Variants in ADCYAP1R1 observed in about 807,000 individuals in gnomAD.
ADCYAP1R1 encodes ADCYAP receptor type I.
In ADCYAP1R1, 44 loss-of-function variants were observed where a neutral mutation model predicts 67.6. The observed-to-expected ratio is 0.65, with a 90% CI of 0.51 to 0.84. The LOEUF (loss-of-function observed/expected upper bound fraction) is 0.84, where lower values mean the gene tolerates loss of function less well. ADCYAP1R1 is among the 40% of genes least tolerant of loss of function. ADCYAP1R1 has a pLI of 0.00. For missense variants in ADCYAP1R1, 477 were observed against 587.9 expected (o/e 0.81, Z 1.95); for synonymous variants, 222 against 219.6 (o/e 1.01, Z -0.10).
chr7:31,065,921 C>T (rs906061024), intron 3 of ADCYAP1R1, among the ~76,000 whole-genome samples: 3 of 152,232 alleles, frequency 2.0e-5, no homozygotes, highest in African/African-American at 7.2e-5. Context: ...AATGGTCCCA[C>T]TGGACGGAGC....
chr7:31,071,257 T>C (rs1372469745), intron 3 of ADCYAP1R1, among the ~76,000 whole-genome samples: 1 of 152,192 alleles, frequency 6.6e-6, no homozygotes, highest in African/African-American at 2.4e-5. Context: ...TTTCAGTCGC[T>C]CTGCCTGAGT....
At chr7:31,101,160 G>A (rs562566046) in intron 13 of ADCYAP1R1, among the ~76,000 whole-genome samples, 1 of 152,190 alleles carries the variant, frequency 6.6e-6, no homozygotes, top group Non-Finnish European at 1.5e-5. Context: ...GTCCCTGTCT[G>A]TTCTGGGGCT....
rs78795747 is a variant in ADCYAP1R1, at chr7:31,060,230, G to A, written c.-71-2964G>A. ...CCTGCAAGTCTGGGCATCCCTGCAT[G>A]TGTGCGTGCATGTACACACATGTGC... On this transcript the variant is annotated intron_variant, in intron 1 of 15. Coordinates refer to ENST00000304166, the MANE Select transcript of ADCYAP1R1 (RefSeq NM_001118.5). Among the ~76,000 whole-genome samples the A allele has an allele frequency of 5.6e-3, 850 of 152,316 alleles. 9 individuals carry two copies. The highest frequency in any genetic ancestry group is 0.02 in the African/African-American group (816 of 41,556).
At chr7:31,092,841 G>T in intron 13 of ADCYAP1R1, 106 bp downstream of exon 13, 2 of 755,750 alleles carry the variant, frequency 2.6e-6, no homozygotes, top group South Asian at 3.3e-5. Context: ...GGGTGACCTA[G>T]CATCAGCATT....
chr7:31,093,717 A>G (rs1796066091), intron 13 of ADCYAP1R1, among the ~76,000 whole-genome samples: 1 of 152,128 alleles, frequency 6.6e-6, no homozygotes, highest in Non-Finnish European at 1.5e-5. Flanking sequence ...AAAGCAGATG[A>G]GGAGGAGCTG....
chr7:31,077,931 T>C, intron 3 of ADCYAP1R1, 60 bp from the exon 4 acceptor site: 2 of 1,121,802 alleles, frequency 1.8e-6, no homozygotes, highest in Non-Finnish European at 2.6e-6. Context: ...ATGTGTGTGG[T>C]GGTGTGTGTG....
intron 13 of ADCYAP1R1, among the ~76,000 whole-genome samples, chr7:31,094,190 A>G (rs974793325): frequency 2.6e-5 from 4 of 152,262 alleles, no homozygotes; most frequent in East Asian, 3.9e-4. Flanking sequence ...ATTCTTGCTT[A>G]TATGTGTATA....
intron 3 of ADCYAP1R1, among the ~76,000 whole-genome samples, chr7:31,065,362 T>C (rs947282939): frequency 7.2e-5 from 11 of 152,190 alleles, no homozygotes; most frequent in African/African-American, 2.4e-4. Flanking sequence ...GCTCATTGCA[T>C]CAGAAGCCAG....
At chr7:31,064,238 A>G (rs1794635310) in intron 2 of ADCYAP1R1, among the ~76,000 whole-genome samples, 1 of 152,172 alleles carries the variant, frequency 6.6e-6, no homozygotes, top group Non-Finnish European at 1.5e-5. Context: ...TGCCGGGGGC[A>G]CTTTTTTCCT....
chr7:31,062,790 G>A (rs1794561202), intron 1 of ADCYAP1R1, among the ~76,000 whole-genome samples: 1 of 152,182 alleles, frequency 6.6e-6, no homozygotes, highest in Admixed American at 6.5e-5. Flanking sequence ...TTCATCATGT[G>A]CCCACACCTC....
In ADCYAP1R1 at chr7:31,086,778, G is replaced by A. The variant is rs932128964; in HGVS notation, c.824-165G>A. Among the ~76,000 whole-genome samples the A allele has an allele frequency of 6.6e-6, 1 of 152,150 alleles. No homozygotes were observed. The highest frequency in any genetic ancestry group is 1.5e-5 in the Non-Finnish European group (1 of 68,026). ...GAGACAAGACAGCCCTTGGTCTGAGGGAGATATAGACCCTCAGGAGGCCTG... is the reference window on the plus strand; with the variant it reads ...GAGACAAGACAGCCCTTGGTCTGAGAGAGATATAGACCCTCAGGAGGCCTG... On this transcript the variant is annotated intron_variant, in intron 10 of 15. Transcript: ENST00000304166. The surrounding 1 kb of genome is among the most constrained non-coding windows in gnomAD (Gnocchi z 5.0).
intron 13 of ADCYAP1R1, among the ~76,000 whole-genome samples, chr7:31,095,182 T>C (rs1796139060): frequency 1.3e-5 from 2 of 152,082 alleles, no homozygotes; most frequent in African/African-American, 4.8e-5. Flanking sequence ...GTGAATCTGG[T>C]GGAATAGGTA....
chr7:31,070,911 G>A (rs1465751148), intron 3 of ADCYAP1R1, among the ~76,000 whole-genome samples: 3 of 152,174 alleles, frequency 2.0e-5, no homozygotes, highest in East Asian at 1.9e-4. Context: ...TTCCAAAGGC[G>A]AGGGCGGCAT....
In ADCYAP1R1 at chr7:31,081,755, G is replaced by T. The variant is rs759475765; in HGVS notation, c.328+1G>T. ...GACAGTAACTCCTTAGATCTCTCAG[G>T]TAAGGGGTTAGGCTGGGGTTGACCA... On this transcript the variant is annotated splice_donor_variant, in intron 6 of 15. Transcript: ENST00000304166. LOFTEE classifies it high-confidence loss of function. 2 of 1,596,172 alleles carry T rather than the reference G, an allele frequency of 1.3e-6. No homozygotes were observed. The highest frequency in any genetic ancestry group is 1.2e-5 in the South Asian group (1 of 86,228).
intron 1 of ADCYAP1R1, among the ~76,000 whole-genome samples, chr7:31,062,618 C>T (rs981691018): frequency 2.6e-5 from 4 of 152,170 alleles, no homozygotes; most frequent in Non-Finnish European, 5.9e-5. Flanking sequence ...TGCAGCATTG[C>T]GCCCTACCCA....
intron 13 of ADCYAP1R1, chr7:31,095,759 G>A (rs1242444640): frequency 4.2e-6 from 3 of 717,888 alleles, no homozygotes; most frequent in Admixed American, 4.0e-5. Flanking sequence ...CTGTAGGTTG[G>A]TTCCAGCTGC....
chr7:31,101,500 T>C (rs942581356), intron 13 of ADCYAP1R1, among the ~76,000 whole-genome samples: 1 of 152,162 alleles, frequency 6.6e-6, no homozygotes, highest in African/African-American at 2.4e-5. Context: ...TTTTTAAAAG[T>C]AGCCCCTATA....
At chr7:31,095,715 G>A in intron 13 of ADCYAP1R1, 2 of 718,078 alleles carry the variant, frequency 2.8e-6, no homozygotes, top group Non-Finnish European at 5.2e-6. Flanking sequence ...AGGACCCCCT[G>A]CCTGTGCCCT....
intron 13 of ADCYAP1R1, chr7:31,100,197 T>C: frequency 1.3e-6 from 2 of 1,550,600 alleles, no homozygotes; most frequent in Non-Finnish European, 1.7e-6. Flanking sequence ...GTCAGAACTG[T>C]CCACCATTAC....
Sources: allele counts gnomAD v4.1 joint callset (sites outside exome capture counted in the v4.1 genomes callset), GRCh38; gene constraint gnomAD v4.1.1; non-coding constraint Gnocchi (gnomAD v3.1); transcripts MANE v1.5; gene names NCBI Gene and HGNC (gene_info 2026-07-23, HGNC 2026-07-21).